Variants in ZNF638 observed in about 807,000 individuals in gnomAD.
ZNF638 encodes zinc finger protein 638, also known as CTCL tumor antigen se33-1.
ZNF638 carries 46 observed loss-of-function variants against 195.6 expected under a neutral mutation model. That is an observed-to-expected ratio of 0.24 (90% CI 0.19 to 0.30). The LOEUF (loss-of-function observed/expected upper bound fraction) is 0.30, where lower values mean the gene tolerates loss of function less well. ZNF638 is among the 10% of genes least tolerant of loss of function. ZNF638 has a pLI of 1.00. For missense variants in ZNF638, 2,440 were observed against 2,325.3 expected, an observed-to-expected ratio of 1.05 and a Z score of -1.01; for synonymous variants, 845 against 772.0, an observed-to-expected ratio of 1.09 and a Z score of -1.57.
chr2:71,392,366 A>G lies in ZNF638; in HGVS notation c.2378-3775A>G, dbSNP rs115946994. Among the ~76,000 whole-genome samples, 773 of 152,204 alleles carry G rather than the reference A, an allele frequency of 5.1e-3. 4 individuals carry two copies. Among genetic ancestry groups the G allele is most frequent in the African/African-American group, 0.018 (742 of 41,534 alleles). ...GGAAACCACATAATTCCCTCACTCA[A>G]TCTGGATTTACTACCGCTCAGGGAG... On this transcript the variant is annotated intron_variant, in intron 10 of 27. Coordinates refer to ENST00000264447, the MANE Select transcript of ZNF638 (RefSeq NM_014497.5).
chr2:71,423,605 A>T lies in ZNF638; in HGVS notation c.4091A>T (p.Asn1364Ile). Residue 1364 changes from asparagine to isoleucine, a missense_variant, in exon 22 of 28, where the codon AAT becomes ATT. By Grantham distance (149) the Asn-to-Ile change is moderately radical (BLOSUM62 -3). Coordinates refer to ENST00000264447, the MANE Select transcript of ZNF638 (RefSeq NM_014497.5). ...AENTLFKAYP[N>I]KGVGQANKPD... Reference sequence around the variant, plus strand: ...AACACTTTATTCAAGGCATACCCAAATAAAGGAGTGGGTCAGGCTAATAAG... The same window carrying T: ...AACACTTTATTCAAGGCATACCCAATTAAAGGAGTGGGTCAGGCTAATAAG... 1 of 1,614,086 alleles carries T rather than the reference A, an allele frequency of 6.2e-7. No homozygotes were observed. The highest frequency in any genetic ancestry group is 8.5e-7 in the Non-Finnish European group (1 of 1,180,014).
chr2:71,423,063 C>A lies in ZNF638; in HGVS notation c.3549C>A (p.Ser1183=), dbSNP rs376994551. The A allele has an allele frequency of 8.7e-6, 14 of 1,613,962 alleles. No individual in the cohort carries two copies. The African/African-American group carries it at 1.1e-4, about 12-fold the overall frequency. ...EVKEEIPLVA[S]ASVSIEQFTE... Reference sequence around the variant, plus strand: ...AAGAAGAAATTCCTCTTGTAGCATCCGCTTCAGTCAGTATTGAACAATTCA... The same window carrying A: ...AAGAAGAAATTCCTCTTGTAGCATCAGCTTCAGTCAGTATTGAACAATTCA... The change falls in exon 22 of 28, where the codon TCC becomes TCA. Residue 1183 remains serine (S), a synonymous_variant. Coordinates refer to ENST00000264447, the MANE Select transcript of ZNF638 (RefSeq NM_014497.5).
intron 6 of ZNF638, among the ~76,000 whole-genome samples, chr2:71,366,112 G>A (rs2079194425): frequency 6.6e-6 from 1 of 152,196 alleles, no homozygotes; most frequent in South Asian, 2.1e-4. Flanking sequence ...CACTTTGGGA[G>A]GCCAAGCGGG....
chr2:71,430,699 G>A (rs1251824112), intron 25 of ZNF638, among the ~76,000 whole-genome samples: 1 of 152,120 alleles, frequency 6.6e-6, no homozygotes, highest in African/African-American at 2.4e-5. Flanking sequence ...TATGTAAAAG[G>A]GTTTTGTCAA....
rs181444209 is a variant in ZNF638 at position 71,382,083 on chromosome 2, A to T, written c.2377+1518A>T. Among the ~76,000 whole-genome samples the T allele has an allele frequency of 3.9e-4, 59 of 152,260 alleles. No individual in the cohort carries two copies. The East Asian group carries it at 7.3e-3, about 19-fold the overall frequency. ...ATTTTTCAGTAAGTGAGTTTAAAAAATTTTTTAAATAATTATAAAATTTCC... is the reference window on the plus strand; with the variant it reads ...ATTTTTCAGTAAGTGAGTTTAAAAATTTTTTTAAATAATTATAAAATTTCC... On this transcript the variant is annotated intron_variant, in intron 10 of 27. Coordinates refer to ENST00000264447, the MANE Select transcript of ZNF638 (RefSeq NM_014497.5).
In ZNF638 at chr2:71,403,863, T is replaced by C. The variant is rs1181079949; in HGVS notation, c.2830-7T>C. ...TTTTCTTGTTACCTTAATTTCTGTT[T>C]TAAAAGGCATATATAGAAATAAATA... On this transcript the variant is annotated splice_polypyrimidine_tract_variant and splice_region_variant and intron_variant, in intron 16 of 27. Coordinates refer to ENST00000264447, the MANE Select transcript of ZNF638 (RefSeq NM_014497.5). 8 of 1,528,062 alleles carry C rather than the reference T, an allele frequency of 5.2e-6. No homozygotes were observed. Among genetic ancestry groups the C allele is most frequent in the South Asian group, 1.2e-5 (1 of 80,430 alleles). 94.7% of individuals were successfully genotyped at this position (1,528,062 alleles called of 1,614,324 possible). A position where few individuals can be genotyped will look rare whatever the true frequency, so the allele number is the denominator to read the frequency against.
chr2:71,413,952 G>T (rs1329813209), intron 20 of ZNF638, among the ~76,000 whole-genome samples: 1 of 32,672 alleles, frequency 3.1e-5, no homozygotes, highest in Admixed American at 4.4e-4. Context: ...TTTTGGTTGT[G>T]TCTCTGCCCG....
chr2:71,396,043 G>A lies in ZNF638; in HGVS notation c.2378-98G>A, dbSNP rs1330365222. ...AAAGATGAGTATAGGGCTGTTTCTT[G>A]CAGGGTTCTTTCGAAATTATTGCTA... On this transcript the variant is annotated intron_variant, in intron 10 of 27. Coordinates refer to ENST00000264447, the MANE Select transcript of ZNF638 (RefSeq NM_014497.5). 3 of 1,100,190 alleles carry A rather than the reference G, an allele frequency of 2.7e-6. No homozygotes were observed. The African/African-American group carries it at 4.7e-5, about 17-fold the overall frequency. 68.2% of individuals were successfully genotyped at this position (1,100,190 alleles called of 1,614,324 possible). A position where few individuals can be genotyped will look rare whatever the true frequency, so the allele number is the denominator to read the frequency against.
At chr2:71,420,563 G>A (rs2080410132) in intron 21 of ZNF638, among the ~76,000 whole-genome samples, 1 of 152,090 alleles carries the variant, frequency 6.6e-6, no homozygotes, top group Admixed American at 6.6e-5. Flanking sequence ...AGCTTTTATT[G>A]TATGCTTTTT....
At chr2:71,354,896 T>C (rs754178879) in intron 2 of ZNF638, among the ~76,000 whole-genome samples, 7 of 152,204 alleles carry the variant, frequency 4.6e-5, no homozygotes, top group East Asian at 1.9e-4. Flanking sequence ...CCTAATCTTA[T>C]TTGCCAGTAT....
chr2:71,363,282 C>A, intron 4 of ZNF638, 91 bp downstream of exon 4: 1 of 997,722 alleles, frequency 1.0e-6, no homozygotes, highest in Non-Finnish European at 1.5e-6. Context: ...TTGAGTTCTA[C>A]TTCTGCCATT....
intron 3 of ZNF638, among the ~76,000 whole-genome samples, chr2:71,358,820 C>T (rs1442984603): frequency 6.6e-6 from 1 of 152,124 alleles, no homozygotes; most frequent in African/African-American, 2.4e-5. Flanking sequence ...AGCATGTGCT[C>T]ACTTTGTGTC....
At chr2:71,359,448 A>G (rs1200015644) in intron 3 of ZNF638, among the ~76,000 whole-genome samples, 2 of 152,152 alleles carry the variant, frequency 1.3e-5, no homozygotes, top group African/African-American at 2.4e-5. Context: ...TCTTCCATCT[A>G]TTTGTACCAT....
At position 71,348,792 on chromosome 2, in the gene ZNF638, T is replaced by G; in HGVS notation, c.-163T>G. The stretch of plus-strand genomic sequence containing the variant: ...TGGAAAATTTCGCACCACTTGTGAA[T>G]TCCTTGAACCTGGGCATTGCAAACC... On this transcript the variant is annotated 5_prime_UTR_variant, in exon 2 of 28. Coordinates refer to ENST00000264447, the MANE Select transcript of ZNF638 (RefSeq NM_014497.5). 1.3e-6 allele frequency: 2 copies of G among 1,563,590 alleles called. No homozygotes were observed. The highest frequency in any genetic ancestry group is 2.3e-5 in the East Asian group (1 of 43,350).
In ZNF638 at chr2:71,402,024, T is replaced by C. The variant is rs765970704; in HGVS notation, c.2766T>C (p.Val922=). ...ATAAAGGATATTCTGTAGAAGAAGTTTATGACTTAGCAAAACCATTTGGTG... is the reference window on the plus strand; with the variant it reads ...ATAAAGGATATTCTGTAGAAGAAGTCTATGACTTAGCAAAACCATTTGGTG... ...LPNKGYSVEE[V]YDLAKPFGGL... The change falls in exon 16 of 28, where the codon GTT becomes GTC. Residue 922 remains valine (V), a synonymous_variant. Transcript: ENST00000264447. The C allele has an allele frequency of 1.1e-5, 18 of 1,609,384 alleles. No homozygotes were observed. Among genetic ancestry groups the C allele is most frequent in the South Asian group, 2.2e-5 (2 of 90,290 alleles).
rs772299048 is a variant in ZNF638 at position 71,426,855 on chromosome 2, T to C, written c.4986T>C (p.Asp1662=). 1 of 1,614,090 alleles carries C rather than the reference T, an allele frequency of 6.2e-7. No homozygotes were observed. Among genetic ancestry groups the C allele is most frequent in the Non-Finnish European group, 8.5e-7 (1 of 1,179,940 alleles). Residue 1662 remains aspartate, a synonymous_variant, in exon 24 of 28, where the codon GAT becomes GAC. Coordinates refer to ENST00000264447, the MANE Select transcript of ZNF638 (RefSeq NM_014497.5). ...DDCISHSEPK[D]VTVLSVAEEQ... ...GCATTTCCCACAGTGAACCTAAAGATGTTACTGTTCTGTCAGTGGCTGAAG... is the reference window on the plus strand; with the variant it reads ...GCATTTCCCACAGTGAACCTAAAGACGTTACTGTTCTGTCAGTGGCTGAAG...
At chr2:71,391,434 T>A (rs903302513) in intron 10 of ZNF638, among the ~76,000 whole-genome samples, 1 of 152,238 alleles carries the variant, frequency 6.6e-6, no homozygotes, top group Non-Finnish European at 1.5e-5. Flanking sequence ...GTCAGCATCA[T>A]GTAAATCAGG....
chr2:71,348,236 A>G (rs2078884577), intron 1 of ZNF638, among the ~76,000 whole-genome samples: 1 of 152,252 alleles, frequency 6.6e-6, no homozygotes, highest in African/African-American at 2.4e-5. Flanking sequence ...AATAATAGGA[A>G]CATAAGTGTA....
At chr2:71,369,056 T>G (rs1288642499) in intron 7 of ZNF638, among the ~76,000 whole-genome samples, 1 of 152,180 alleles carries the variant, frequency 6.6e-6, no homozygotes, top group Non-Finnish European at 1.5e-5. Flanking sequence ...TAGTTAAGGC[T>G]GGGCGTGTTG....
Sources: gnomAD v4.1 joint callset for allele counts (sites outside exome capture counted in the v4.1 genomes callset) on GRCh38, gnomAD v4.1.1 for gene constraint, MANE v1.5 for transcripts, NCBI Gene and HGNC (gene_info 2026-07-23, HGNC 2026-07-21) for gene names.